The following PREX1 variants were observed in gnomAD, a reference collection of about 807,000 sequenced individuals.
PREX1 encodes the protein phosphatidylinositol-3,4,5-trisphosphate dependent Rac exchange factor 1.
A neutral mutation model predicts 198.3 loss-of-function variants in PREX1; 41 were observed. The ratio of observed to expected loss-of-function variants is 0.21; its 90% CI spans 0.16 to 0.27. The LOEUF is 0.27. Among genes scored for constraint, PREX1 ranks in the 10% least tolerant of loss-of-function variants. PREX1 has a pLI of 1.00. For missense variants in PREX1, 1,620 were observed against 2,200.7 expected (o/e 0.74, Z 5.28); for synonymous variants, 843 against 887.2 (o/e 0.95, Z 0.89).
intron 1 of PREX1, among the ~76,000 whole-genome samples, chr20:48,790,281 G>T (rs908923130): frequency 6.6e-6 from 1 of 152,138 alleles, no homozygotes; most frequent in Non-Finnish European, 1.5e-5. Flanking sequence ...ACAATATGAT[G>T]AGTAAGTTGT....
chr20:48,823,876 A>T (rs563396395), intron 1 of PREX1, among the ~76,000 whole-genome samples: 21 of 152,170 alleles, frequency 1.4e-4, no homozygotes, highest in Non-Finnish European at 2.8e-4. Context: ...TGTCCACCTG[A>T]CCCAGAGCAG....
At position 48,745,085 on chromosome 20, in the gene PREX1, C is replaced by T; in HGVS notation, c.354G>A (p.Glu118=). Residue 118 remains glutamate (E), a synonymous_variant, in exon 3 of 40, where the codon GAG becomes GAA. Transcript: ENST00000371941. ...ACTGCGGCTCCGGGTGTAAACAATA[C>T]TCCAAGGCGGCCAAGAAATCCTTAT... ...EVHKDFLAAL[E]YCLHPEPQSQ... is the part of the protein sequence containing the mutation. 6.2e-7 allele frequency: 1 copy of T among 1,614,216 alleles called. No homozygotes were observed. The highest frequency in any genetic ancestry group is 8.5e-7 in the Non-Finnish European group (1 of 1,180,028).
At chr20:48,806,020 C>G (rs2090410315) in intron 1 of PREX1, among the ~76,000 whole-genome samples, 1 of 152,212 alleles carries the variant, frequency 6.6e-6, no homozygotes, top group Non-Finnish European at 1.5e-5. Flanking sequence ...CAATTGGGGC[C>G]AGGTAATACT....
chr20:48,667,922 T>C (rs1428683040), intron 14 of PREX1, among the ~76,000 whole-genome samples: 10 of 152,178 alleles, frequency 6.6e-5, no homozygotes, highest in Admixed American at 2.0e-4. Context: ...GCAGCGCTGA[T>C]TGTCCCTCAC....
intron 25 of PREX1, 51 bp from the exon 26 acceptor site, chr20:48,646,108 T>G: frequency 6.4e-7 from 1 of 1,572,126 alleles, no homozygotes; most frequent in Non-Finnish European, 8.7e-7. Flanking sequence ...GCCCTTTGTG[T>G]CCCTTCCCTG....
chr20:48,711,950 G>A (rs1047932750), intron 5 of PREX1, among the ~76,000 whole-genome samples: 1 of 152,218 alleles, frequency 6.6e-6, no homozygotes, highest in Admixed American at 6.5e-5. Context: ...ACACCTCAGG[G>A]TTGGCAGAAC....
intron 27 of PREX1, among the ~76,000 whole-genome samples, 177 bp downstream of exon 27, chr20:48,644,232 A>T (rs2089435041): frequency 6.6e-6 from 1 of 152,244 alleles, no homozygotes; most frequent in Admixed American, 6.5e-5. Context: ...CCCAGCACAT[A>T]ATATGGGCTC....
At chr20:48,844,864 T>C in the PREX1 span, among the ~76,000 whole-genome samples, 1 of 152,170 alleles carries the variant, frequency 6.6e-6, no homozygotes, top group African/African-American at 2.4e-5. Flanking sequence ...GCTTGTATGG[T>C]AAAACTTCCA....
intron 14 of PREX1, among the ~76,000 whole-genome samples, chr20:48,671,393 A>G (rs546136680): frequency 6.6e-6 from 1 of 152,370 alleles, no homozygotes; most frequent in South Asian, 2.1e-4. Flanking sequence ...ACAGAAAGGC[A>G]GGAGATGCCT....
At chr20:48,815,330 C>T (rs2090454536) in intron 1 of PREX1, among the ~76,000 whole-genome samples, 1 of 152,194 alleles carries the variant, frequency 6.6e-6, no homozygotes, top group African/African-American at 2.4e-5. Flanking sequence ...CAGCAGAAGA[C>T]ACATTCTTTT....
chr20:48,633,093 G>A (rs2089328704), intron 33 of PREX1, among the ~76,000 whole-genome samples: 2 of 152,194 alleles, frequency 1.3e-5, no homozygotes, highest in African/African-American at 4.8e-5. Flanking sequence ...GCTTAGGGCA[G>A]GGGGTGCAAA....
In PREX1 at chr20:48,629,552, C is replaced by G; in HGVS notation, c.4663G>C (p.Gly1555Arg). 6.2e-7 allele frequency: 1 copy of G among 1,614,182 alleles called. No individual in the cohort carries two copies. Among genetic ancestry groups the G allele is most frequent in the Non-Finnish European group, 8.5e-7 (1 of 1,179,998 alleles). ...CCGGCGCCCACACTCCCAGCAGCAC[C>G]AGGCTTTGGGTGGACAAAGGACTTC... ...LMKSFVHPKP[G>R]AAGSVGAGLI... Residue 1555 changes from glycine (G) to arginine (R), a missense_variant, in exon 37 of 40, where the codon GGT becomes CGT. Gly to Arg is a moderately radical substitution (Grantham distance 125). Coordinates refer to ENST00000371941, the MANE Select transcript of PREX1 (RefSeq NM_020820.4).
chr20:48,846,942 G>T, the PREX1 span, among the ~76,000 whole-genome samples: 3 of 152,174 alleles, frequency 2.0e-5, no homozygotes, highest in Admixed American at 6.5e-5. Context: ...CTTTCAAGGG[G>T]AGGCAGGAGT....
intron 1 of PREX1, among the ~76,000 whole-genome samples, chr20:48,776,042 G>A (rs556271951): frequency 7.9e-5 from 12 of 152,170 alleles, no homozygotes; most frequent in African/African-American, 2.9e-4. Flanking sequence ...TAACAAGCAG[G>A]GGGAAGAGAC....
chr20:48,864,857 G>A, the PREX1 span, among the ~76,000 whole-genome samples: 1 of 152,194 alleles, frequency 6.6e-6, no homozygotes, highest in Non-Finnish European at 1.5e-5. Context: ...TGGAGCTCAT[G>A]GCTGGCCAGG....
At chr20:48,641,674 C>A (rs2089410767) in intron 29 of PREX1, among the ~76,000 whole-genome samples, 1 of 151,528 alleles carries the variant, frequency 6.6e-6, no homozygotes, top group Non-Finnish European at 1.5e-5. Flanking sequence ...CACCTGTAGT[C>A]CCAGCTACTT....
chr20:48,825,281 C>T (rs964261773), intron 1 of PREX1, among the ~76,000 whole-genome samples: 5 of 152,124 alleles, frequency 3.3e-5, no homozygotes, highest in African/African-American at 1.2e-4. Context: ...TGGGGACACA[C>T]AAAAGGCCCA....
intron 1 of PREX1, among the ~76,000 whole-genome samples, chr20:48,792,752 A>G (rs1046872364): frequency 1.3e-5 from 2 of 151,872 alleles, no homozygotes; most frequent in Non-Finnish European, 2.9e-5. Context: ...TACAGCCATA[A>G]AAAAGGAATG....
At chr20:48,719,889 C>T (rs1456020994) in intron 5 of PREX1, among the ~76,000 whole-genome samples, 1 of 151,508 alleles carries the variant, frequency 6.6e-6, no homozygotes, top group African/African-American at 2.4e-5. Flanking sequence ...CTGCTCAGAA[C>T]CTTCCCATGG....
Sources: gnomAD v4.1 joint callset for allele counts (sites outside exome capture counted in the v4.1 genomes callset) on GRCh38, gnomAD v4.1.1 for gene constraint, MANE v1.5 for transcripts, NCBI Gene and HGNC (gene_info 2026-07-23, HGNC 2026-07-21) for gene names.